Variants in PPDPFL observed in about 807,000 individuals in gnomAD.
PPDPFL encodes the protein pancreatic progenitor cell differentiation and proliferation factor-like protein.
PPDPFL carries 12 observed loss-of-function variants against 12.6 expected under a neutral mutation model. The ratio of observed to expected loss-of-function variants is 0.95; its 90% CI spans 0.61 to 1.54. The LOEUF (loss-of-function observed/expected upper bound fraction) is 1.54. PPDPFL is among the 40% of genes most tolerant of loss of function. PPDPFL has a pLI of 0.00. For missense variants in PPDPFL, 114 were observed against 96.0 expected, an observed-to-expected ratio of 1.19 and a Z score of -0.78; for synonymous variants, 24 against 32.7, an observed-to-expected ratio of 0.73 and a Z score of 0.91.
intron 1 of PPDPFL, among the ~76,000 whole-genome samples, chr8:49,057,295 T>TCC (rs1808126397): frequency 6.6e-6 from 1 of 152,192 alleles, no homozygotes; most frequent in African/African-American, 2.4e-5. Flanking sequence ...GTCGTGAATT[T>TCC]TGGACAATGA....
chr8:49,058,647 G>A (rs1808147827), intron 1 of PPDPFL, among the ~76,000 whole-genome samples: 1 of 152,216 alleles, frequency 6.6e-6, no homozygotes. Flanking sequence ...TTGCAATGGA[G>A]TATTTAAAAA....
rs375409814 is a variant in PPDPFL at position 49,065,136 on chromosome 8, GAAAAACAA to G, written c.-44-7630_-44-7623del. Among the ~76,000 whole-genome samples the G allele has an allele frequency of 2.7e-3, 416 of 151,926 alleles. 3 individuals are homozygous for G. The highest frequency in any genetic ancestry group is 0.014 in the Middle Eastern group (4 of 294). ...AGGAAGGAGGAAGTGTGACAGTATT[GAAAAACAA>G]AAAAACAAAAAAACAAAAAACAAGT... On this transcript the variant is annotated intron_variant, in intron 1 of 4. Transcript: ENST00000517663.
At chr8:49,074,906 A>T (rs2129246776) in intron 4 of PPDPFL, 1 of 1,389,814 alleles carries the variant, frequency 7.2e-7, no homozygotes, top group Non-Finnish European at 9.4e-7. Context: ...AGAATCTATA[A>T]TAAAGGGATT....
upstream of PPDPFL, among the ~76,000 whole-genome samples, chr8:49,070,630 T>G (rs1005425514): frequency 2.6e-5 from 4 of 152,192 alleles, no homozygotes; most frequent in Admixed American, 6.5e-5. Context: ...GTAGCAAAAC[T>G]AATTATTAAA....
intron 1 of PPDPFL, among the ~76,000 whole-genome samples, chr8:49,058,749 A>G (rs1369180374): frequency 6.6e-6 from 1 of 152,220 alleles, no homozygotes; most frequent in Non-Finnish European, 1.5e-5. Context: ...AAGAGCCTTA[A>G]AGAAGTCTTA....
chr8:49,058,128 G>A (rs1808140501), intron 1 of PPDPFL, among the ~76,000 whole-genome samples: 1 of 152,150 alleles, frequency 6.6e-6, no homozygotes, highest in Admixed American at 6.5e-5. Context: ...GTGGAATTAA[G>A]CATAAGGAAA....
rs1808416281 is a variant in PPDPFL at position 49,072,824 on chromosome 8, T to A, written c.-7T>A. The A allele has an allele frequency of 1.2e-6, 2 of 1,600,082 alleles. No individual in the cohort carries two copies. On this transcript the variant is annotated 5_prime_UTR_variant, in exon 2 of 5. The change abolishes the stop of an existing upstream ORF in the 5' untranslated region. Transcript: ENST00000522267. ...AGCTTCTTGGGTGCTTTCTCACGGG[T>A]AAAGCCATGGCATCCGTACCTTCCA...
chr8:49,064,562 C>A (rs535658374), intron 1 of PPDPFL, among the ~76,000 whole-genome samples: 1 of 151,798 alleles, frequency 6.6e-6, no homozygotes, highest in African/African-American at 2.4e-5. Context: ...AGGTTCCCCC[C>A]CAGGACAAGC....
intron 1 of PPDPFL, among the ~76,000 whole-genome samples, chr8:49,060,399 C>T (rs1031649692): frequency 5.3e-5 from 8 of 151,970 alleles, no homozygotes; most frequent in East Asian, 1.9e-4. Flanking sequence ...CCTCAACCTC[C>T]GCCTCCTGGG....
intron 2 of PPDPFL, among the ~76,000 whole-genome samples, chr8:49,073,777 C>G (rs927998516): frequency 2.6e-5 from 4 of 152,130 alleles, no homozygotes; most frequent in Admixed American, 2.6e-4. Context: ...GTTTTTGAAT[C>G]TGAAAACATT....
intron 1 of PPDPFL, among the ~76,000 whole-genome samples, chr8:49,058,459 C>A (rs1379617480): frequency 1.3e-5 from 2 of 152,122 alleles, no homozygotes; most frequent in Non-Finnish European, 1.5e-5. Context: ...ATCTTGGAAA[C>A]CAAAAATTAA....
chr8:49,054,916 T>C (rs1808089138), intron 1 of PPDPFL, among the ~76,000 whole-genome samples: 1 of 152,160 alleles, frequency 6.6e-6, no homozygotes, highest in Admixed American at 6.5e-5. Flanking sequence ...CAATATATTC[T>C]TTAAATTTTT....
chr8:49,065,219 A>G (rs528249560), intron 1 of PPDPFL, among the ~76,000 whole-genome samples: 4 of 152,214 alleles, frequency 2.6e-5, no homozygotes, highest in Non-Finnish European at 5.9e-5. Flanking sequence ...AGGTCTTTGC[A>G]TCAGAAAGGG....
chr8:49,063,426 A>G (rs1160242845), intron 1 of PPDPFL, among the ~76,000 whole-genome samples: 1 of 152,146 alleles, frequency 6.6e-6, no homozygotes, highest in African/African-American at 2.4e-5. Context: ...ACTTTTAAAG[A>G]TATAAAGAAT....
upstream of PPDPFL, among the ~76,000 whole-genome samples, chr8:49,067,784 C>T (rs544548133): frequency 6.6e-6 from 1 of 152,326 alleles, no homozygotes; most frequent in African/African-American, 2.4e-5. Context: ...CAGTAGGGCA[C>T]ATCCTACAAC....
chr8:49,055,518 C>T (rs1269658614), intron 1 of PPDPFL, among the ~76,000 whole-genome samples: 1 of 152,136 alleles, frequency 6.6e-6, no homozygotes, highest in Admixed American at 6.6e-5. Context: ...ACTATACCAT[C>T]AGGTAATCCC....
chr8:49,074,537 T>C, intron 4 of PPDPFL: 1 of 1,536,992 alleles, frequency 6.5e-7, no homozygotes, highest in South Asian at 1.2e-5. Context: ...CATAGCACCC[T>C]TTCCAGTTCA....
upstream of PPDPFL, among the ~76,000 whole-genome samples, chr8:49,071,045 C>T (rs562142831): frequency 4.6e-5 from 7 of 152,312 alleles, no homozygotes; most frequent in Non-Finnish European, 5.9e-5. Flanking sequence ...CCCGATCTCC[C>T]TGCCTCGGGT....
chr8:49,055,070 A>T lies in PPDPFL; in HGVS notation c.-45+701A>T, dbSNP rs567237791. Among the ~76,000 whole-genome samples, 410 of 152,270 alleles carry T rather than the reference A, an allele frequency of 2.7e-3. 3 individuals carry two copies. Among genetic ancestry groups the T allele is most frequent in the African/African-American group, 9.7e-3 (401 of 41,546 alleles). On this transcript the variant is annotated intron_variant, in intron 1 of 4. Transcript: ENST00000517663. Reference sequence around the variant, plus strand: ...ACTGAACTCATAGAGTTTTCCTAAAATGTGCACATTTCTTTATACTTTCTA... The same window carrying T: ...ACTGAACTCATAGAGTTTTCCTAAATTGTGCACATTTCTTTATACTTTCTA...
Sources: allele counts gnomAD v4.1 joint callset (sites outside exome capture counted in the v4.1 genomes callset), GRCh38; gene constraint gnomAD v4.1.1; transcripts MANE v1.5; gene names NCBI Gene and HGNC (gene_info 2026-07-23, HGNC 2026-07-21).